Variants in PLEKHA5 observed in about 807,000 individuals in gnomAD.
PLEKHA5 encodes the protein pleckstrin homology domain containing A5.
Under a neutral mutation model 181.9 loss-of-function variants are expected in PLEKHA5, and 55 were observed. The ratio of observed to expected loss-of-function variants is 0.30; its 90% CI spans 0.24 to 0.38. The LOEUF (loss-of-function observed/expected upper bound fraction) is 0.38. Ranked by LOEUF, PLEKHA5 falls within the 10% of genes least tolerant of loss-of-function variation. The probability of loss-of-function intolerance (pLI) is 1.00; values close to 1 mark genes in which losing one functional copy is unlikely to be tolerated. For missense variants in PLEKHA5, 1,432 were observed against 1,549.5 expected (o/e 0.92, Z 1.27); for synonymous variants, 535 against 529.4 (o/e 1.01, Z -0.15).
chr12:19,345,197 C>T (rs569256458), intron 22 of PLEKHA5, among the ~76,000 whole-genome samples: 2 of 151,846 alleles, frequency 1.3e-5, no homozygotes, highest in African/African-American at 4.8e-5. Flanking sequence ...GTCAGGAGTT[C>T]GAGACCAGGC....
intron 3 of PLEKHA5, among the ~76,000 whole-genome samples, chr12:19,140,423 G>A (rs1355922967): frequency 6.6e-6 from 1 of 152,172 alleles, no homozygotes; most frequent in Non-Finnish European, 1.5e-5. Context: ...ATGAGGTACA[G>A]ATGATAGACA....
In PLEKHA5 at chr12:19,359,393, CTA is replaced by C; in HGVS notation, c.3349-15_3349-14del. On this transcript the variant is annotated splice_polypyrimidine_tract_variant and intron_variant, in intron 27 of 31. Coordinates refer to ENST00000429027, the MANE Select transcript of PLEKHA5 (RefSeq NM_001256470.2). ...CATGCACAGTATGAGTATAAAAATG[CTA>C]TATGTCTTTTGAGCAGACTCGAAGG... 6.2e-7 allele frequency: 1 copy of C among 1,607,234 alleles called. No homozygotes were observed. Among genetic ancestry groups the C allele is most frequent in the Non-Finnish European group, 8.5e-7 (1 of 1,175,058 alleles).
intron 16 of PLEKHA5, 76 bp from the exon 17 acceptor site, chr12:19,319,945 G>A: frequency 1.1e-6 from 1 of 933,788 alleles, no homozygotes; most frequent in East Asian, 2.9e-5. Context: ...TATAACATAG[G>A]CTTTCAGTTT....
chr12:19,165,745 C>A (rs932823686), intron 3 of PLEKHA5, among the ~76,000 whole-genome samples: 4 of 152,142 alleles, frequency 2.6e-5, no homozygotes, highest in African/African-American at 9.7e-5. Flanking sequence ...GTCATTTACG[C>A]TCTAAAACCT....
chr12:19,270,277 C>G (rs2072221491), intron 10 of PLEKHA5, 72 bp downstream of exon 10: 1 of 786,244 alleles, frequency 1.3e-6, no homozygotes, highest in Non-Finnish European at 1.9e-6. Flanking sequence ...TTTTAAGATT[C>G]TAAATCTTAG....
Position 19,199,353 on chromosome 12 carries a change from A to C in PLEKHA5, c.228-54587A>C, listed in dbSNP as rs1055606868. On this transcript the variant is annotated intron_variant, in intron 3 of 31. Coordinates refer to ENST00000429027, the MANE Select transcript of PLEKHA5 (RefSeq NM_001256470.2). ...AAAATATAAATAAAAATCTTTTATC[A>C]ACAACATGTAGTGTCATTACTTCAT... Among the ~76,000 whole-genome samples the C allele has an allele frequency of 2.6e-5, 4 of 152,176 alleles. 1 individual carries two copies. Among genetic ancestry groups the C allele is most frequent in the African/African-American group, 9.7e-5 (4 of 41,450 alleles).
intron 3 of PLEKHA5, among the ~76,000 whole-genome samples, chr12:19,224,235 C>T (rs1393162683): frequency 3.9e-5 from 6 of 152,048 alleles, no homozygotes; most frequent in Non-Finnish European, 7.4e-5. Context: ...TGCAATTTTG[C>T]GGATACTGCT....
chr12:19,177,569 G>A (rs548723625), intron 3 of PLEKHA5, among the ~76,000 whole-genome samples: 40 of 152,318 alleles, frequency 2.6e-4, no homozygotes, highest in South Asian at 1.2e-3. Context: ...ACAGTGCCGT[G>A]TTGTCCTTCG....
chr12:19,308,998 T>C (rs1215961491), intron 15 of PLEKHA5, among the ~76,000 whole-genome samples: 14 of 151,610 alleles, frequency 9.2e-5, no homozygotes, highest in Non-Finnish European at 2.9e-5. Flanking sequence ...GGAGGCAGAG[T>C]TTGCAGTGAG....
At position 19,274,696 on chromosome 12, in the gene PLEKHA5, A is replaced by G. The variant is rs1352714071; in HGVS notation, c.1026A>G (p.Arg342=). The G allele has an allele frequency of 6.2e-7, 1 of 1,614,106 alleles. No homozygotes were observed. The highest frequency in any genetic ancestry group is 1.1e-5 in the South Asian group (1 of 91,088). The change falls in exon 11 of 32, where the codon AGA becomes AGG. Residue 342 remains arginine, a synonymous_variant. Transcript: ENST00000429027. ...GATTTCAGAAGGATGGTCAAGATAG[A>G]CCCTTAACAAAAATTAATAGTGTAA... The part of the protein sequence containing the change: ...KYGFQKDGQD[R]PLTKINSVKL...
At position 19,130,097 on chromosome 12, in the gene PLEKHA5, G is replaced by T; in HGVS notation, c.136G>T (p.Ala46Ser). Residue 46 changes from alanine to serine, a missense_variant, in exon 2 of 32, where the codon GCG becomes TCG. By Grantham distance (99) the Ala-to-Ser change is moderately conservative (BLOSUM62 1). This residue lies in a region of PLEKHA5 where 289 missense variants were observed against 381.1 expected (regional missense o/e 0.76). Coordinates refer to ENST00000429027, the MANE Select transcript of PLEKHA5 (RefSeq NM_001256470.2). The surrounding 1 kb of genome is among the most constrained non-coding windows in gnomAD (Gnocchi z 4.5). ...CTGGCTGCACCCCGTCACCGGCGAG[G>T]CGGTGGTCACCGGACACCGGCGGCA... is the stretch of plus-strand genomic sequence containing the variant. ...TTWLHPVTGE[A>S]VVTGHRRQST... 6.3e-7 allele frequency: 1 copy of T among 1,588,150 alleles called. No homozygotes were observed. Among genetic ancestry groups the T allele is most frequent in the Non-Finnish European group, 8.6e-7 (1 of 1,168,764 alleles).
intron 20 of PLEKHA5, among the ~76,000 whole-genome samples, chr12:19,323,201 G>C (rs2153051129): frequency 6.6e-6 from 1 of 152,008 alleles, no homozygotes; most frequent in African/African-American, 2.4e-5. Flanking sequence ...TTTTACAGGG[G>C]AGATGAGTAC....
chr12:19,306,810 T>C, intron 15 of PLEKHA5: 1 of 828,190 alleles, frequency 1.2e-6, no homozygotes, highest in East Asian at 2.4e-5. Flanking sequence ...TGTCGCACCA[T>C]GTCTGACAAA....
At position 19,358,221 on chromosome 12, in the gene PLEKHA5, A is replaced by G; in HGVS notation, c.3139-7A>G. 2 of 1,600,136 alleles carry G rather than the reference A, an allele frequency of 1.2e-6. No individual in the cohort carries two copies. Among genetic ancestry groups the G allele is most frequent in the Non-Finnish European group, 1.7e-6 (2 of 1,168,656 alleles). On this transcript the variant is annotated splice_region_variant and splice_polypyrimidine_tract_variant and intron_variant, in intron 26 of 31. Coordinates refer to ENST00000429027, the MANE Select transcript of PLEKHA5 (RefSeq NM_001256470.2). ...TATGTATTGATATGTTCATTTTTAC[A>G]TTGAAGGAAAGACCAAGAAGTGCAG...
At chr12:19,258,561 C>CTTTTTT (rs71440398) in intron 6 of PLEKHA5, among the ~76,000 whole-genome samples, 63 of 123,802 alleles carry the variant, frequency 5.1e-4, no homozygotes, top group South Asian at 1.3e-3. Context: ...TTTTCTTTTT[C>CTTTTTT]TTTTTTTTTT....
rs375089210 is a variant in PLEKHA5, at chr12:19,183,784, G to A, written c.227+51334G>A. The stretch of plus-strand genomic sequence containing the variant: ...GCTGGAGCACAGTGGCGTGATCTTG[G>A]CTCACCGCACCCTCTGCCTGCCAGG... On this transcript the variant is annotated intron_variant, in intron 3 of 31. Coordinates refer to ENST00000429027, the MANE Select transcript of PLEKHA5 (RefSeq NM_001256470.2). 2.6e-5 allele frequency among the ~76,000 whole-genome samples: 4 copies of A among 152,074 alleles called. No individual in the cohort carries two copies. The East Asian group carries it at 7.7e-4, about 29-fold the overall frequency.
intron 26 of PLEKHA5, among the ~76,000 whole-genome samples, chr12:19,357,097 A>C (rs1365539948): frequency 2.6e-5 from 4 of 152,190 alleles, no homozygotes; most frequent in African/African-American, 9.6e-5. Context: ...CGTTTTCATC[A>C]AAATAAAAGA....
chr12:19,289,749 G>A (rs1434661291), intron 13 of PLEKHA5, among the ~76,000 whole-genome samples: 2 of 152,014 alleles, frequency 1.3e-5, no homozygotes, highest in African/African-American at 4.8e-5. Context: ...AAGAAGGAGG[G>A]TTTATGTGCC....
intron 31 of PLEKHA5, among the ~76,000 whole-genome samples, chr12:19,370,179 G>A (rs1213147825): frequency 6.6e-6 from 1 of 152,218 alleles, no homozygotes; most frequent in African/African-American, 2.4e-5. Flanking sequence ...CAGTTAGGGT[G>A]ACATGTCTGC....
Sources: allele counts gnomAD v4.1 joint callset (sites outside exome capture counted in the v4.1 genomes callset), GRCh38; gene constraint gnomAD v4.1.1; regional missense constraint gnomAD v4.1.1; non-coding constraint Gnocchi (gnomAD v3.1); transcripts MANE v1.5; gene names NCBI Gene and HGNC (gene_info 2026-07-23, HGNC 2026-07-21).